The following ARID3A variants were observed in gnomAD, a reference collection of about 807,000 sequenced individuals.
ARID3A encodes the protein AT-rich interaction domain 3A.
ARID3A carries 11 observed loss-of-function variants against 52.7 expected under a neutral mutation model. The observed-to-expected ratio is 0.21, with a 90% confidence interval of 0.13 to 0.35. The LOEUF is 0.35. ARID3A is among the 10% of genes least tolerant of loss of function. ARID3A has a pLI of 1.00. For synonymous variants in ARID3A, 404 were observed against 359.4 expected (o/e 1.12, Z -1.40); for missense variants, 721 against 838.5 (o/e 0.86, Z 1.73).
rs1049181749 is a variant in ARID3A, at chr19:932,643, G to A, written c.594G>A (p.Pro198=). Reference sequence around the variant, plus strand: ...GGGTGCTGGGGGGCCAGGAGCGGCCGGGGCCTGGCCCTGCCCACCCCGGAG... The same window carrying A: ...GGGTGCTGGGGGGCCAGGAGCGGCCAGGGCCTGGCCCTGCCCACCCCGGAG... The part of the protein sequence containing the change: ...VPRVLGGQER[P]GPGPAHPGGA... Residue 198 remains proline, a synonymous_variant, in exon 3 of 9, where the codon CCG becomes CCA. Transcript: ENST00000263620. 1.8e-5 allele frequency: 28 copies of A among 1,539,334 alleles called. No homozygotes were observed. Among genetic ancestry groups the A allele is most frequent in the East Asian group, 9.9e-5 (4 of 40,506 alleles).
chr19:970,790 C>T (rs930010671), intron 8 of ARID3A, among the ~76,000 whole-genome samples: 1 of 151,900 alleles, frequency 6.6e-6, no homozygotes, highest in Non-Finnish European at 1.5e-5. Context: ...AATAGTTTTT[C>T]TTAAAGTGGA....
chr19:946,888 G>GGC (rs1487380222), intron 3 of ARID3A, among the ~76,000 whole-genome samples: 3 of 151,812 alleles, frequency 2.0e-5, no homozygotes, highest in Non-Finnish European at 4.4e-5. Context: ...CGAGCTCCTG[G>GGC]GCTCACGTGA....
At chr19:949,403 G>A (rs2037758668) in intron 3 of ARID3A, among the ~76,000 whole-genome samples, 1 of 152,150 alleles carries the variant, frequency 6.6e-6, no homozygotes, top group Non-Finnish European at 1.5e-5. Context: ...GGAGGGGGTG[G>A]GGGGCTGGGG....
chr19:963,420 G>A (rs2038083975), intron 4 of ARID3A, among the ~76,000 whole-genome samples: 1 of 152,230 alleles, frequency 6.6e-6, no homozygotes, highest in Non-Finnish European at 1.5e-5. Flanking sequence ...AGGTTTAAGT[G>A]GGTCTTGCCT....
At chr19:965,468 C>G (rs571932484) in intron 6 of ARID3A, among the ~76,000 whole-genome samples, 17 of 151,762 alleles carry the variant, frequency 1.1e-4, no homozygotes, top group African/African-American at 3.9e-4. Flanking sequence ...GCAGTGTCAC[C>G]TCAGTTTGCC....
Position 929,732 on chromosome 19 carries a change from A to T in ARID3A, c.204A>T (p.Ala68=). ...CCGCACTGGCAGCCATGCGGGCTGC[A>T]GCTGCGGGCCTGGGACACCCAGCCA... ...QMAALAAMRA[A]AAGLGHPASP... The change falls in exon 2 of 9, where the codon GCA becomes GCT. Residue 68 remains alanine, a synonymous_variant. Coordinates refer to ENST00000263620, the MANE Select transcript of ARID3A (RefSeq NM_005224.3). This position sits in a 1 kb window ranked among gnomAD's most constrained non-coding sequence, Gnocchi z 6.2. 1 of 1,559,722 alleles carries T rather than the reference A, an allele frequency of 6.4e-7. No individual in the cohort carries two copies. Among genetic ancestry groups the T allele is most frequent in the Non-Finnish European group, 8.6e-7 (1 of 1,160,480 alleles).
At chr19:927,545 T>A (rs772245018) in intron 1 of ARID3A, among the ~76,000 whole-genome samples, 27 of 149,652 alleles carry the variant, frequency 1.8e-4, no homozygotes, top group Non-Finnish European at 3.4e-4. Context: ...TTTGGCCTCT[T>A]CCTTCTGTGC....
chr19:937,791 C>T (rs2037467635), intron 3 of ARID3A, among the ~76,000 whole-genome samples: 1 of 149,634 alleles, frequency 6.7e-6, no homozygotes, highest in African/African-American at 2.5e-5. Flanking sequence ...ACTGCAACCT[C>T]CACCTCCCGG....
At chr19:926,839 G>A (rs1351929559) in intron 1 of ARID3A, among the ~76,000 whole-genome samples, 1 of 152,108 alleles carries the variant, frequency 6.6e-6, no homozygotes, top group Non-Finnish European at 1.5e-5. Context: ...CCCGGGCGGC[G>A]GGTTCAATTA....
Position 941,968 on chromosome 19 carries a change from A to C in ARID3A, c.693+9226A>C, listed in dbSNP as rs2037565331. 6.6e-6 allele frequency among the ~76,000 whole-genome samples: 1 copy of C among 152,058 alleles called. No individual in the cohort carries two copies. The highest frequency in any genetic ancestry group is 2.4e-5 in the African/African-American group (1 of 41,372). On this transcript the variant is annotated intron_variant, in intron 3 of 8. Coordinates refer to ENST00000263620, the MANE Select transcript of ARID3A (RefSeq NM_005224.3). This position sits in a 1 kb window ranked among gnomAD's most constrained non-coding sequence, Gnocchi z 6.9. The stretch of plus-strand genomic sequence containing the variant: ...TTGGGAGCCTCGTGCTGGACCCTGA[A>C]GCATGAGGTCGCGGTGGGGCCTATT...
At chr19:948,700 G>A (rs866626702) in intron 3 of ARID3A, among the ~76,000 whole-genome samples, 19 of 133,796 alleles carry the variant, frequency 1.4e-4, no homozygotes, top group Middle Eastern at 3.8e-3. Context: ...GAGGCCTGGA[G>A]TCTTTTTTTT....
At chr19:932,769 C>T in intron 3 of ARID3A, 27 bp downstream of exon 3, 5 of 1,545,854 alleles carry the variant, frequency 3.2e-6, no homozygotes, top group Non-Finnish European at 2.6e-6. Flanking sequence ...CGCGTGGCGG[C>T]TGAGGCACCT....
At chr19:958,858 A>G (rs897213155) in intron 3 of ARID3A, among the ~76,000 whole-genome samples, 2 of 151,704 alleles carry the variant, frequency 1.3e-5, no homozygotes, top group Non-Finnish European at 2.9e-5. Context: ...GCACCCCTGC[A>G]CTCCAGCCTG....
chr19:964,533 A>AG lies in ARID3A; in HGVS notation c.950+107dup, dbSNP rs1179006432. The AG allele has an allele frequency of 7.0e-7, 1 of 1,420,488 alleles. No individual in the cohort carries two copies. The allele number at this position is 1,420,488 out of a possible 1,614,324, so 88.0% of individuals were successfully genotyped here. ...AGGGGGTGGTGGGCAGCTGCAGAGG[A>AG]GGGGGCAGTGGGCAGCCGCAAAGGG... On this transcript the variant is annotated intron_variant, in intron 5 of 8. Coordinates refer to ENST00000263620, the MANE Select transcript of ARID3A (RefSeq NM_005224.3). The surrounding 1 kb of genome is among the most constrained non-coding windows in gnomAD (Gnocchi z 5.7).
At position 953,576 on chromosome 19, in the gene ARID3A, G is replaced by A. The variant is rs527995401; in HGVS notation, c.694-6516G>A. ...AGTGTGTCTTGCAGATCCGTGTAAC[G>A]GGGCTCGGGCGTGCAACCTTCTGGG... is the stretch of plus-strand genomic sequence containing the variant. On this transcript the variant is annotated intron_variant, in intron 3 of 8. Coordinates refer to ENST00000263620, the MANE Select transcript of ARID3A (RefSeq NM_005224.3). Among the ~76,000 whole-genome samples the A allele has an allele frequency of 2.6e-5, 4 of 152,290 alleles. 1 individual carries two copies. The highest frequency in any genetic ancestry group is 2.1e-4 in the South Asian group (1 of 4,822).
intron 4 of ARID3A, among the ~76,000 whole-genome samples, chr19:961,123 T>A (rs912796735): frequency 2.6e-5 from 4 of 152,128 alleles, no homozygotes; most frequent in Non-Finnish European, 5.9e-5. Flanking sequence ...CGATCCCCAC[T>A]GTTCAGACGG....
At chr19:946,419 G>A (rs563957350) in intron 3 of ARID3A, among the ~76,000 whole-genome samples, 6 of 144,898 alleles carry the variant, frequency 4.1e-5, no homozygotes, top group South Asian at 4.4e-4. Flanking sequence ...GCACCACCAC[G>A]CCCGGCTAAT....
intron 3 of ARID3A, among the ~76,000 whole-genome samples, chr19:953,484 C>CT (rs397827747): frequency 1.3e-5 from 2 of 152,082 alleles, no homozygotes; most frequent in African/African-American, 4.8e-5. Context: ...CACCCCCCCC[C>CT]GTGCAGAGCC....
intron 8 of ARID3A, 102 bp downstream of exon 8, chr19:968,605 G>T (rs2038213294): frequency 1.8e-6 from 2 of 1,091,234 alleles, no homozygotes; most frequent in African/African-American, 1.6e-5. Flanking sequence ...GAACCTAGGT[G>T]TGCGGGCGAG....
Sources: allele counts gnomAD v4.1 joint callset (sites outside exome capture counted in the v4.1 genomes callset), GRCh38; gene constraint gnomAD v4.1.1; non-coding constraint Gnocchi (gnomAD v3.1); transcripts MANE v1.5; gene names NCBI Gene and HGNC (gene_info 2026-07-23, HGNC 2026-07-21).